The following CTDSPL2 variants were observed in gnomAD, a reference collection of about 807,000 sequenced individuals.
CTDSPL2 encodes the protein CTD small phosphatase-like protein 2.
A neutral mutation model predicts 60.0 loss-of-function variants in CTDSPL2; 5 were observed. The ratio of observed to expected loss-of-function variants is 0.08; its 90% CI spans 0.04 to 0.18. The LOEUF is 0.18. Ranked by LOEUF, CTDSPL2 falls within the 10% of genes least tolerant of loss-of-function variation. The pLI is 1.00. For synonymous variants in CTDSPL2, 186 were observed against 189.3 expected, an observed-to-expected ratio of 0.98 and a Z score of 0.14; for missense variants, 370 against 548.8, an observed-to-expected ratio of 0.67 and a Z score of 3.26.
chr15:44,457,523 A>G (rs1567070099), intron 1 of CTDSPL2, among the ~76,000 whole-genome samples: 1 of 152,078 alleles, frequency 6.6e-6, no homozygotes, highest in South Asian at 2.1e-4. Flanking sequence ...CAGACTACCA[A>G]AACTCTCCAT....
At chr15:44,453,308 G>A (rs2080367256) in intron 1 of CTDSPL2, among the ~76,000 whole-genome samples, 1 of 152,002 alleles carries the variant, frequency 6.6e-6, no homozygotes, top group Admixed American at 6.6e-5. Context: ...TGTTGAGGAA[G>A]TTCCTGTTTG....
At position 44,527,040 on chromosome 15, in the gene CTDSPL2, T is replaced by G. The variant is rs1455393980; in HGVS notation, c.*2866T>G. 3 of 152,612 alleles carry G rather than the reference T, an allele frequency of 2.0e-5. No individual in the cohort carries two copies. Among genetic ancestry groups the G allele is most frequent in the African/African-American group, 7.2e-5 (3 of 41,448 alleles). The allele number at this position is 152,612 out of a possible 1,614,324, so 9.5% of individuals were successfully genotyped here. On this transcript the variant is annotated 3_prime_UTR_variant, in exon 13 of 13. Transcript: ENST00000260327. ...TAATATATGTAGCCCTCATCAGATTTATATCACCATATTTCTCCTTGTGTC... is the reference window on the plus strand; with the variant it reads ...TAATATATGTAGCCCTCATCAGATTGATATCACCATATTTCTCCTTGTGTC...
intron 8 of CTDSPL2, among the ~76,000 whole-genome samples, chr15:44,508,660 C>A (rs781624518): frequency 4.6e-5 from 7 of 152,136 alleles, no homozygotes; most frequent in African/African-American, 7.2e-5. Flanking sequence ...CTGTGGCTAG[C>A]CCCTGTAATC....
rs552927150 is a variant in CTDSPL2, at chr15:44,475,376, C to T, written c.187-8848C>T. Among the ~76,000 whole-genome samples, 15 of 152,278 alleles carry T rather than the reference C, an allele frequency of 9.9e-5. No homozygotes were observed. In the South Asian group the frequency reaches 1.0e-3, roughly 11 times the overall value. On this transcript the variant is annotated intron_variant, in intron 2 of 12. Coordinates refer to ENST00000260327, the MANE Select transcript of CTDSPL2 (RefSeq NM_016396.3). ...TCTTCAGGCCGGGCGTGGTGGCTCA[C>T]GCCTATAATCCCAGCACTCTGGGAG... is the stretch of plus-strand genomic sequence containing the variant.
intron 8 of CTDSPL2, chr15:44,501,846 G>T (rs1166665171): frequency 1.2e-5 from 4 of 343,546 alleles, no homozygotes; most frequent in Admixed American, 3.8e-5. Context: ...TCTTATTTTG[G>T]CATAGCCATT....
Position 44,525,165 on chromosome 15 carries a change from T to G in CTDSPL2, c.*991T>G, listed in dbSNP as rs973573339. The G allele has an allele frequency of 2.7e-6, 1 of 363,992 alleles. No homozygotes were observed. The highest frequency in any genetic ancestry group is 4.0e-5 in the East Asian group (1 of 25,166). 22.5% of individuals were successfully genotyped at this position (363,992 alleles called of 1,614,324 possible). ...AAGTATTCAGCACAGTGACTCAGTATTTTTAGTTATTTTGCATGGGCTGGT... is the reference window on the plus strand; with the variant it reads ...AAGTATTCAGCACAGTGACTCAGTAGTTTTAGTTATTTTGCATGGGCTGGT... On this transcript the variant is annotated 3_prime_UTR_variant, in exon 13 of 13. Coordinates refer to ENST00000260327, the MANE Select transcript of CTDSPL2 (RefSeq NM_016396.3).
At chr15:44,496,597 G>T (rs1391306214) in intron 6 of CTDSPL2, 139 bp downstream of exon 6, 3 of 654,316 alleles carry the variant, frequency 4.6e-6, no homozygotes, top group Non-Finnish European at 7.9e-6. Context: ...GGGGCTGGGT[G>T]CAGTGGCTCA....
intron 1 of CTDSPL2, among the ~76,000 whole-genome samples, chr15:44,438,439 GA>G (rs2141271766): frequency 6.6e-6 from 1 of 152,180 alleles, no homozygotes; most frequent in Admixed American, 6.5e-5. Context: ...ATTTAAAGGG[GA>G]CAAGAAGAAG....
chr15:44,454,805 T>A (rs1444836292), intron 1 of CTDSPL2, among the ~76,000 whole-genome samples: 1 of 152,238 alleles, frequency 6.6e-6, no homozygotes, highest in Non-Finnish European at 1.5e-5. Context: ...TTGGTACCAG[T>A]ACCATGCTGT....
At chr15:44,454,889 A>G (rs974264140) in intron 1 of CTDSPL2, among the ~76,000 whole-genome samples, 2 of 152,184 alleles carry the variant, frequency 1.3e-5, no homozygotes, top group Admixed American at 1.3e-4. Flanking sequence ...CTTTTGGCTT[A>G]GGATTGTCTT....
intron 2 of CTDSPL2, among the ~76,000 whole-genome samples, chr15:44,472,690 G>T (rs1473766861): frequency 1.3e-5 from 2 of 152,050 alleles, no homozygotes; most frequent in Non-Finnish European, 2.9e-5. Flanking sequence ...TTTGGAGACA[G>T]AGTCTCACTT....
chr15:44,440,882 C>T (rs1292665364), intron 1 of CTDSPL2, among the ~76,000 whole-genome samples: 3 of 152,066 alleles, frequency 2.0e-5, no homozygotes, highest in Admixed American at 6.6e-5. Flanking sequence ...AGCTGAGTTT[C>T]TGTTTTGTTG....
At chr15:44,502,983 CTTGAGGTGTAAT>C (rs2081404669) in intron 8 of CTDSPL2, among the ~76,000 whole-genome samples, 1 of 151,566 alleles carries the variant, frequency 6.6e-6, no homozygotes, top group South Asian at 2.1e-4. Flanking sequence ...AAATTAGTAC[CTTGAGGTGTAAT>C]TTGAATTTCA....
chr15:44,521,964 C>G (rs995315497), intron 12 of CTDSPL2, among the ~76,000 whole-genome samples: 2 of 57,828 alleles, frequency 3.5e-5, no homozygotes, highest in South Asian at 5.9e-4. Flanking sequence ...AAAAAAAAAA[C>G]ATGATGATGA....
In CTDSPL2 at chr15:44,521,379, T is replaced by A; in HGVS notation, c.1308T>A (p.Ile436=). 3.1e-6 allele frequency: 5 copies of A among 1,593,122 alleles called. No individual in the cohort carries two copies. In the Admixed American group the frequency reaches 6.8e-5, roughly 22 times the overall value. ...DKNDNELLKL[I]PFLEKLVELN... The stretch of plus-strand genomic sequence containing the variant: ...ATGACAATGAACTCCTAAAATTGAT[T>A]CCATTCCTGGAGAAGCTTGTAGAAC... Residue 436 remains isoleucine, a synonymous_variant, in exon 12 of 13, where the codon ATT becomes ATA. Coordinates refer to ENST00000260327, the MANE Select transcript of CTDSPL2 (RefSeq NM_016396.3).
chr15:44,516,393 C>T (rs886883654), intron 10 of CTDSPL2, among the ~76,000 whole-genome samples: 2 of 152,166 alleles, frequency 1.3e-5, no homozygotes, highest in African/African-American at 4.8e-5. Flanking sequence ...AAAGGCTTTT[C>T]CTAATGTTCA....
intron 6 of CTDSPL2, 55 bp downstream of exon 6, chr15:44,496,513 G>C (rs1011267131): frequency 1.5e-6 from 2 of 1,308,376 alleles, no homozygotes; most frequent in East Asian, 4.6e-5. Context: ...ATGAGAGTAC[G>C]TTATATATGT....
intron 1 of CTDSPL2, among the ~76,000 whole-genome samples, chr15:44,437,547 G>A (rs548580369): frequency 3.9e-4 from 60 of 152,288 alleles, no homozygotes; most frequent in Non-Finnish European, 8.4e-4. Context: ...GCCCATTTTT[G>A]TAGGCAAGAA....
Position 44,527,441 on chromosome 15 carries a change from A to G in CTDSPL2, c.*3267A>G, listed in dbSNP as rs1358654960. The G allele has an allele frequency of 6.6e-6, 1 of 152,168 alleles. No individual in the cohort carries two copies. The highest frequency in any genetic ancestry group is 2.4e-5 in the African/African-American group (1 of 41,456). The allele number at this position is 152,168 out of a possible 1,614,324, so 9.4% of individuals were successfully genotyped here. A position where few individuals can be genotyped will look rare whatever the true frequency, so the allele number is the denominator to read the frequency against. The stretch of plus-strand genomic sequence containing the variant: ...GAAAAACAGAGACTTCATCTCATCA[A>G]TGAAGAAAGCATTTCATTATTCCTA... On this transcript the variant is annotated 3_prime_UTR_variant, in exon 13 of 13. Coordinates refer to ENST00000260327, the MANE Select transcript of CTDSPL2 (RefSeq NM_016396.3).
Sources: gnomAD v4.1 joint callset for allele counts (sites outside exome capture counted in the v4.1 genomes callset) on GRCh38, gnomAD v4.1.1 for gene constraint, MANE v1.5 for transcripts, NCBI Gene and HGNC (gene_info 2026-07-23, HGNC 2026-07-21) for gene names.